The following USP9X variants were observed in gnomAD, a reference collection of about 807,000 sequenced individuals.
The protein encoded by USP9X is ubiquitin specific peptidase 9 X-linked.
In USP9X, 7 loss-of-function variants were observed where a neutral mutation model predicts 190.3. That is an observed-to-expected ratio of 0.04 (90% CI 0.02 to 0.07). The LOEUF is 0.07. USP9X is among the 10% of genes least tolerant of loss of function. The probability of loss-of-function intolerance (pLI) is 1.00; values close to 1 mark genes in which losing one functional copy is unlikely to be tolerated. For missense variants in USP9X, 1,010 were observed against 1,916.9 expected (o/e 0.53, Z 8.83); for synonymous variants, 645 against 659.5 (o/e 0.98, Z 0.34).
chrX:41,098,505 A>G (rs1301640536), intron 1 of USP9X, among the ~76,000 whole-genome samples: 3 of 109,646 alleles, frequency 2.7e-5, no homozygotes, highest in East Asian at 2.9e-4. Flanking sequence ...GTAATACACT[A>G]TATACTCCTG....
chrX:41,230,124 C>T (rs961998452), intron 43 of USP9X, among the ~76,000 whole-genome samples: 1 of 111,450 alleles, frequency 9.0e-6, no homozygotes, highest in South Asian at 3.7e-4. Context: ...TGACTTGAAC[C>T]CAGGAGGCAC....
At chrX:41,229,813 A>G in intron 43 of USP9X, 34 bp downstream of exon 43, 1 of 1,210,475 alleles carries the variant, frequency 8.3e-7, no homozygotes, top group Non-Finnish European at 1.1e-6. Flanking sequence ...GCAGATAGAA[A>G]TGGAAGAGAG....
intron 6 of USP9X, among the ~76,000 whole-genome samples, chrX:41,139,623 C>T (rs2062404901): frequency 8.9e-6 from 1 of 112,375 alleles, no homozygotes; most frequent in Non-Finnish European, 1.9e-5. Context: ...ATAATCACAC[C>T]ATTGCACTCT....
chrX:41,148,555 C>T lies in USP9X; in HGVS notation c.1606C>T (p.Leu536=), dbSNP rs771774457. Residue 536 remains leucine, a synonymous_variant, in exon 12 of 45, where the codon CTA becomes TTA. Transcript: ENST00000378308. The part of the protein sequence containing the change: ...DLALSAHIKI[L]DYSCSQDRDT... ...GGCTCTCAGTGCCCACATAAAAATA[C>T]TAGATTACAGTTGCTCCCAGGTAAG... 4 of 1,211,549 alleles carry T rather than the reference C, an allele frequency of 3.3e-6. No homozygotes were observed. The East Asian group carries it at 1.2e-4, about 36-fold the overall frequency.
At chrX:41,193,622 C>T (rs1033171496) in intron 26 of USP9X, among the ~76,000 whole-genome samples, 1 of 111,772 alleles carries the variant, frequency 8.9e-6, no homozygotes, top group Non-Finnish European at 1.9e-5. Context: ...CCTGATCGTG[C>T]CACTGCACTC....
Position 41,198,744 on chromosome X carries a change from A to G in USP9X, c.4597A>G (p.Ile1533Val), listed in dbSNP as rs747838949. The stretch of plus-strand genomic sequence containing the variant: ...TGAAATGTATTACATTGGCACAGCA[A>G]TAACTAGTAAGTATTTTTAATAGAA... ...LTEMYYIGTAITTCEALTEWE... is the reference protein window; with the variant it reads ...LTEMYYIGTAVTTCEALTEWE... Residue 1533 changes from isoleucine to valine, a missense_variant, in exon 30 of 45, where the codon ATA becomes GTA. This residue lies in a region of USP9X where 120 missense variants were observed against 342.7 expected (regional missense o/e 0.35). Transcript: ENST00000378308. 8.4e-7 allele frequency: 1 copy of G among 1,183,677 alleles called. No individual in the cohort carries two copies.
Position 41,134,818 on chromosome X carries a change from G to A in USP9X, c.416G>A (p.Gly139Asp), listed in dbSNP as rs2062357420. 8.3e-7 allele frequency: 1 copy of A among 1,206,465 alleles called. No individual in the cohort carries two copies. The highest frequency in any genetic ancestry group is 2.2e-5 in the Admixed American group (1 of 45,663). The change falls in exon 5 of 45, where the codon GGC (glycine) becomes GAC (aspartate). Residue 139 changes from glycine to aspartate, a missense_variant. By Grantham distance (94) the Gly-to-Asp change is moderately conservative. Coordinates refer to ENST00000378308, the MANE Select transcript of USP9X (RefSeq NM_001039591.3). ...ATTCTTACAGATGAAGCAGTGAGTGGCTGGAAGTTTGAAATTCATGTGAGT... is the reference window on the plus strand; with the variant it reads ...ATTCTTACAGATGAAGCAGTGAGTGACTGGAAGTTTGAAATTCATGTGAGT... ...TKILTDEAVS[G>D]WKFEIHRCII...
intron 41 of USP9X, among the ~76,000 whole-genome samples, chrX:41,226,247 A>G (rs1386912379): frequency 8.9e-6 from 1 of 112,280 alleles, no homozygotes; most frequent in Non-Finnish European, 1.9e-5. Flanking sequence ...AAGGTTATCC[A>G]GCTTAACTGG....
intron 5 of USP9X, among the ~76,000 whole-genome samples, chrX:41,135,873 C>T (rs1015487757): frequency 4.5e-5 from 5 of 111,443 alleles, no homozygotes; most frequent in South Asian, 7.5e-4. Flanking sequence ...TCAAGTGATC[C>T]GCCTGCCTCA....
intron 29 of USP9X, 134 bp downstream of exon 29, chrX:41,197,644 A>G (rs2062997845): frequency 1.7e-6 from 1 of 574,807 alleles, no homozygotes; most frequent in African/African-American, 2.4e-5. Context: ...AATCTTTATC[A>G]AATTTACAGT....
chrX:41,086,800 A>G (rs2061916713), intron 1 of USP9X, among the ~76,000 whole-genome samples: 1 of 112,435 alleles, frequency 8.9e-6, no homozygotes, highest in Non-Finnish European at 1.9e-5. Flanking sequence ...GCTTGGACCT[A>G]TTACCTTTCT....
At chrX:41,230,736 G>A in intron 44 of USP9X, 140 bp downstream of exon 44, 1 of 515,728 alleles carries the variant, frequency 1.9e-6, no homozygotes, top group Non-Finnish European at 3.1e-6. Flanking sequence ...TGATCCAGAA[G>A]AGGGATGGTT....
chrX:41,089,683 T>C (rs1320403151), intron 1 of USP9X, among the ~76,000 whole-genome samples: 6 of 111,384 alleles, frequency 5.4e-5, no homozygotes, highest in Non-Finnish European at 1.1e-4. Context: ...ATTTAGAGTT[T>C]TATTTGTCTT....
At chrX:41,101,178 A>T (rs909343750) in intron 1 of USP9X, among the ~76,000 whole-genome samples, 1 of 111,275 alleles carries the variant, frequency 9.0e-6, no homozygotes, top group Non-Finnish European at 1.9e-5. Context: ...CATTTGCAGT[A>T]ACTCGATACA....
At chrX:41,122,057 G>A (rs992970404) in intron 1 of USP9X, among the ~76,000 whole-genome samples, 3 of 110,905 alleles carry the variant, frequency 2.7e-5, no homozygotes, top group Non-Finnish European at 5.7e-5. Context: ...GTATTATGTA[G>A]TTTGAACCCT....
At chrX:41,124,458 A>G (rs998397976) in intron 2 of USP9X, among the ~76,000 whole-genome samples, 2 of 111,680 alleles carry the variant, frequency 1.8e-5, no homozygotes, top group Admixed American at 1.9e-4. Flanking sequence ...AAAAAAGAAA[A>G]GTGAACATAG....
chrX:41,102,257 A>G (rs1170232403), intron 1 of USP9X, among the ~76,000 whole-genome samples: 2 of 111,850 alleles, frequency 1.8e-5, no homozygotes, highest in East Asian at 5.5e-4. Flanking sequence ...GATTCTTTAC[A>G]TTTATGATTT....
Position 41,229,731 on chromosome X carries a change from T to C in USP9X, c.7383T>C (p.His2461=), listed in dbSNP as rs749252352. 3 of 1,211,994 alleles carry C rather than the reference T, an allele frequency of 2.5e-6. No homozygotes were observed. The highest frequency in any genetic ancestry group is 3.3e-6 in the Non-Finnish European group (3 of 895,597). ...ATGGTTATTTCTTGGAGAGATCACA[T>C]AGTGCTAGGATGACACTTGCAAAAG... The part of the protein sequence containing the change: ...TSNGYFLERS[H]SARMTLAKAC... Residue 2461 remains histidine (H), a synonymous_variant, in exon 43 of 45, where the codon CAT becomes CAC. Transcript: ENST00000378308.
chrX:41,198,409 G>A, intron 29 of USP9X, 119 bp from the exon 30 acceptor site: 1 of 365,724 alleles, frequency 2.7e-6, no homozygotes, highest in East Asian at 8.5e-5. Flanking sequence ...AGTTTTCTGA[G>A]ATGTAATGAG....
Sources: gnomAD v4.1 joint callset for allele counts (sites outside exome capture counted in the v4.1 genomes callset) on GRCh38, gnomAD v4.1.1 for gene constraint, gnomAD v4.1.1 regional missense constraint, MANE v1.5 for transcripts, NCBI Gene and HGNC (gene_info 2026-07-23, HGNC 2026-07-21) for gene names.